JAKMIP1: variants seen among roughly 807,000 people sequenced by gnomAD.
JAKMIP1 encodes the protein janus kinase and microtubule-interacting protein 1.
JAKMIP1 carries 33 observed loss-of-function variants against 113.0 expected under a neutral mutation model. The ratio of observed to expected loss-of-function variants is 0.29; its 90% CI spans 0.22 to 0.39. The LOEUF is 0.39. Among genes scored for constraint, JAKMIP1 ranks in the 10% least tolerant of loss-of-function variants. The pLI, the probability that JAKMIP1 is intolerant of heterozygous loss-of-function variation, is 1.00. For synonymous variants in JAKMIP1, 480 were observed against 459.9 expected, an observed-to-expected ratio of 1.04 and a Z score of -0.56; for missense variants, 813 against 1,080.5, an observed-to-expected ratio of 0.75 and a Z score of 3.47.
intron 19 of JAKMIP1, among the ~76,000 whole-genome samples, chr4:6,033,465 T>G (rs1713006645): frequency 6.6e-6 from 1 of 152,250 alleles, no homozygotes. Flanking sequence ...AAAAGCCAAG[T>G]GCAGCAAATG....
rs1381846474 is a variant in JAKMIP1 at position 6,181,576 on chromosome 4, C to T, written c.-148+18677G>A. Among the ~76,000 whole-genome samples, 8 of 152,088 alleles carry T rather than the reference C, an allele frequency of 5.3e-5. No individual in the cohort carries two copies. Among genetic ancestry groups the T allele is most frequent in the Admixed American group, 2.6e-4 (4 of 15,268 alleles). On this transcript the variant is annotated intron_variant, in intron 1 of 20. Transcript: ENST00000409021. The surrounding 1 kb of genome is among the most constrained non-coding windows in gnomAD (Gnocchi z 5.4). ...GGAGACCAGGGCCTATGGGTGCCAG[C>T]GTGGTGAGGGAAGGGACATCCAAAG...
rs964937693 is a variant in JAKMIP1, at chr4:6,137,373, G to A, written c.-147-24376C>T. Among the ~76,000 whole-genome samples the A allele has an allele frequency of 5.3e-5, 8 of 152,212 alleles. No homozygotes were observed. Among genetic ancestry groups the A allele is most frequent in the Non-Finnish European group, 8.8e-5 (6 of 68,046 alleles). On this transcript the variant is annotated intron_variant, in intron 1 of 20. Coordinates refer to ENST00000409021, the MANE Select transcript of JAKMIP1 (RefSeq NM_001099433.2). The surrounding 1 kb of genome is among the most constrained non-coding windows in gnomAD (Gnocchi z 4.5). Reference sequence around the variant, plus strand: ...ATCAGCTTTAGACGGCACTGTTCCCGTACCTTCGCTGGGAGTCAGGAAATT... The same window carrying A: ...ATCAGCTTTAGACGGCACTGTTCCCATACCTTCGCTGGGAGTCAGGAAATT...
chr4:6,112,614 C>A (rs956037754), intron 2 of JAKMIP1, 108 bp downstream of exon 2: 13 of 1,348,180 alleles, frequency 9.6e-6, no homozygotes, highest in South Asian at 6.6e-5. Context: ...AAGTGCCCCC[C>A]CTCGGCCCCC....
At chr4:6,159,633 A>G (rs141341735) in intron 1 of JAKMIP1, among the ~76,000 whole-genome samples, 8 of 152,244 alleles carry the variant, frequency 5.3e-5, no homozygotes, top group African/African-American at 9.6e-5. Flanking sequence ...GAACCAGGAT[A>G]CAAATTTTCA....
At chr4:6,133,120 T>C (rs180796085) in intron 1 of JAKMIP1, among the ~76,000 whole-genome samples, 1 of 152,214 alleles carries the variant, frequency 6.6e-6, no homozygotes, top group Non-Finnish European at 1.5e-5. Context: ...TGAAATAATA[T>C]GGCCCAACAG....
chr4:6,058,054 A>G (rs1297112606), intron 11 of JAKMIP1, among the ~76,000 whole-genome samples: 2 of 152,238 alleles, frequency 1.3e-5, no homozygotes, highest in African/African-American at 4.8e-5. Flanking sequence ...TCAGCGTCCC[A>G]GGTACCAGCA....
intron 1 of JAKMIP1, among the ~76,000 whole-genome samples, chr4:6,170,898 CCAT>C (rs1316662840): frequency 6.6e-6 from 1 of 151,090 alleles, no homozygotes; most frequent in African/African-American, 2.4e-5. Context: ...TCCACCACCA[CCAT>C]CACCATCACC....
chr4:6,072,250 T>A (rs572496642), intron 8 of JAKMIP1, among the ~76,000 whole-genome samples: 20 of 152,348 alleles, frequency 1.3e-4, no homozygotes, highest in Admixed American at 2.0e-4. Flanking sequence ...CCTTTAAATA[T>A]TGAACCCCTC....
intron 1 of JAKMIP1, among the ~76,000 whole-genome samples, chr4:6,121,352 C>T (rs765934317): frequency 1.5e-4 from 23 of 152,130 alleles, no homozygotes; most frequent in Admixed American, 4.6e-4. Flanking sequence ...GGAGCAAGGG[C>T]GTCAAATGGT....
chr4:6,078,824 A>G, intron 8 of JAKMIP1, 115 bp downstream of exon 8: 1 of 886,560 alleles, frequency 1.1e-6, no homozygotes, highest in Non-Finnish European at 1.9e-6. Flanking sequence ...GCATGCAGAG[A>G]TGTGTGTGTC....
intron 1 of JAKMIP1, among the ~76,000 whole-genome samples, chr4:6,161,108 T>C (rs977024741): frequency 4.3e-5 from 6 of 139,082 alleles, no homozygotes; most frequent in Non-Finnish European, 7.7e-5. Flanking sequence ...TCACCTCCTC[T>C]GATCTCCACT....
Position 6,049,397 on chromosome 4 carries a change from TA to T in JAKMIP1, c.1962+421del, listed in dbSNP as rs776481999. On this transcript the variant is annotated intron_variant, in intron 15 of 20. Coordinates refer to ENST00000409021, the MANE Select transcript of JAKMIP1 (RefSeq NM_001099433.2). This position sits in a 1 kb window ranked among gnomAD's most constrained non-coding sequence, Gnocchi z 7.0. The stretch of plus-strand genomic sequence containing the variant: ...CACCCGAGGGTCAGCTCCCTCTCGC[TA>T]ATGGGGCCAGCGCCTCAGGCAGACA... 9.4e-4 allele frequency among the ~76,000 whole-genome samples: 143 copies of T among 152,324 alleles called. No individual in the cohort carries two copies. The highest frequency in any genetic ancestry group is 1.4e-3 in the Non-Finnish European group (96 of 68,022).
At chr4:6,073,508 C>A (rs1265583712) in intron 8 of JAKMIP1, among the ~76,000 whole-genome samples, 1 of 152,220 alleles carries the variant, frequency 6.6e-6, no homozygotes, top group African/African-American at 2.4e-5. Flanking sequence ...GAGATCCCAC[C>A]TCACTATTAT....
chr4:6,123,967 G>A (rs1717060530), intron 1 of JAKMIP1, among the ~76,000 whole-genome samples: 1 of 152,210 alleles, frequency 6.6e-6, no homozygotes, highest in Non-Finnish European at 1.5e-5. Context: ...AGTTTTAAAT[G>A]AAACTTCCAT....
Position 6,186,199 on chromosome 4 carries a change from G to C in JAKMIP1, c.-148+14054C>G, listed in dbSNP as rs1726638018. Among the ~76,000 whole-genome samples the C allele has an allele frequency of 6.6e-6, 1 of 152,206 alleles. No homozygotes were observed. Among genetic ancestry groups the C allele is most frequent in the African/African-American group, 2.4e-5 (1 of 41,442 alleles). ...AGCCGACGAGGCTTCCCTGGAGCTT[G>C]CCAGGGGCAGGTCAGGCGGATGGGC... On this transcript the variant is annotated intron_variant, in intron 1 of 20. Transcript: ENST00000409021. The surrounding 1 kb of genome is among the most constrained non-coding windows in gnomAD (Gnocchi z 5.5).
rs1725747533 is a variant in JAKMIP1, at chr4:6,179,256, C to G, written c.-148+20997G>C. Among the ~76,000 whole-genome samples, 1 of 152,216 alleles carries G rather than the reference C, an allele frequency of 6.6e-6. No individual in the cohort carries two copies. The highest frequency in any genetic ancestry group is 1.5e-5 in the Non-Finnish European group (1 of 68,040). On this transcript the variant is annotated intron_variant, in intron 1 of 20. Coordinates refer to ENST00000409021, the MANE Select transcript of JAKMIP1 (RefSeq NM_001099433.2). The surrounding 1 kb of genome is among the most constrained non-coding windows in gnomAD (Gnocchi z 4.5). ...TCTCAAAGCCCCAGATTCACTAACT[C>G]TAACCCCTAAATGACTGCTTAACCT...
chr4:6,180,801 G>C lies in JAKMIP1; in HGVS notation c.-148+19452C>G, dbSNP rs1725934591. 6.6e-6 allele frequency among the ~76,000 whole-genome samples: 1 copy of C among 152,150 alleles called. No individual in the cohort carries two copies. On this transcript the variant is annotated intron_variant, in intron 1 of 20. Transcript: ENST00000409021. The surrounding 1 kb of genome is among the most constrained non-coding windows in gnomAD (Gnocchi z 4.5). ...TTTCTGTCAACGTGCTTTGTTCTCA[G>C]AGGGCCATGGCACATTGAGCAGGGA...
chr4:6,102,226 C>T (rs1713162955), intron 3 of JAKMIP1, among the ~76,000 whole-genome samples: 1 of 151,962 alleles, frequency 6.6e-6, no homozygotes, highest in South Asian at 2.1e-4. Context: ...GTGTATGTAC[C>T]TTGTATATGT....
intron 1 of JAKMIP1, among the ~76,000 whole-genome samples, chr4:6,128,497 C>T (rs185050552): frequency 1.3e-5 from 2 of 152,252 alleles, no homozygotes; most frequent in East Asian, 1.9e-4. Context: ...GGTCCAAGCC[C>T]GTGGGCTGGG....
Sources: allele counts gnomAD v4.1 joint callset (sites outside exome capture counted in the v4.1 genomes callset), GRCh38; gene constraint gnomAD v4.1.1; non-coding constraint Gnocchi (gnomAD v3.1); transcripts MANE v1.5; gene names NCBI Gene and HGNC (gene_info 2026-07-23, HGNC 2026-07-21).